The following HPSE2 variants were observed in gnomAD, a reference collection of about 807,000 sequenced individuals.
HPSE2 encodes the protein inactive heparanase-2.
HPSE2 carries 38 observed loss-of-function variants against 60.5 expected under a neutral mutation model. The ratio of observed to expected loss-of-function variants is 0.63; its 90% CI spans 0.48 to 0.82. HPSE2 has a LOEUF of 0.82. Ranked by LOEUF, HPSE2 falls within the 40% of genes least tolerant of loss-of-function variation. The probability of loss-of-function intolerance (pLI) is 0.00; values close to 1 mark genes in which losing one functional copy is unlikely to be tolerated. For synonymous variants in HPSE2, 295 were observed against 293.2 expected, an observed-to-expected ratio of 1.01 and a Z score of -0.06; for missense variants, 713 against 740.4, an observed-to-expected ratio of 0.96 and a Z score of 0.43.
Position 99,019,545 on chromosome 10 carries a change from T to C in HPSE2, c.610+124693A>G, listed in dbSNP as rs183509201. Among the ~76,000 whole-genome samples, 7 of 152,276 alleles carry C rather than the reference T, an allele frequency of 4.6e-5. No homozygotes were observed. In the East Asian group the frequency reaches 1.4e-3, roughly 29 times the overall value. ...TACCTTGGTTTTTAAGATAAGTACA[T>C]ACATGTATATACCTTCAGGCTTTGC... On this transcript the variant is annotated intron_variant, in intron 3 of 11. Transcript: ENST00000370552.
intron 6 of HPSE2, among the ~76,000 whole-genome samples, chr10:98,666,581 A>G (rs1388933195): frequency 1.3e-5 from 2 of 152,220 alleles, no homozygotes; most frequent in Non-Finnish European, 2.9e-5. Flanking sequence ...AATACCAGGC[A>G]TACTCTTGAA....
At chr10:99,020,890 G>T (rs1459225308) in intron 3 of HPSE2, among the ~76,000 whole-genome samples, 3 of 152,146 alleles carry the variant, frequency 2.0e-5, no homozygotes, top group African/African-American at 7.2e-5. Flanking sequence ...AACTTACAGG[G>T]CCAGGGAACA....
chr10:99,149,674 G>A (rs1846186549), intron 2 of HPSE2, among the ~76,000 whole-genome samples: 2 of 152,144 alleles, frequency 1.3e-5, no homozygotes, highest in African/African-American at 4.8e-5. Flanking sequence ...GTTATTATTG[G>A]AGGATAGTAT....
intron 9 of HPSE2, among the ~76,000 whole-genome samples, chr10:98,497,090 T>A (rs553833704): frequency 6.6e-6 from 1 of 152,274 alleles, no homozygotes; most frequent in South Asian, 2.1e-4. Context: ...TGCTATTTTT[T>A]AAGTAGTCTA....
intron 3 of HPSE2, among the ~76,000 whole-genome samples, chr10:98,917,938 T>C (rs1253781711): frequency 6.6e-6 from 1 of 152,196 alleles, no homozygotes; most frequent in African/African-American, 2.4e-5. Flanking sequence ...ATTGTTCAGG[T>C]ACAGGTTATA....
At chr10:99,184,817 T>TATATATATATATACATAC (rs1181998207) in intron 2 of HPSE2, among the ~76,000 whole-genome samples, 1 of 17,196 alleles carries the variant, frequency 5.8e-5, no homozygotes. Context: ...TATATATATA[T>TATATATATATATACATAC]ATAGAGAGAG....
intron 4 of HPSE2, among the ~76,000 whole-genome samples, chr10:98,724,493 G>C (rs1589712458): frequency 6.6e-6 from 1 of 152,146 alleles, no homozygotes; most frequent in Non-Finnish European, 1.5e-5. Flanking sequence ...ACTTGGTGCA[G>C]AGCTGAGTTC....
At chr10:98,773,241 T>A (rs1950277392) in intron 3 of HPSE2, among the ~76,000 whole-genome samples, 1 of 152,204 alleles carries the variant, frequency 6.6e-6, no homozygotes, top group Non-Finnish European at 1.5e-5. Flanking sequence ...TATAATTTTT[T>A]AAATGAGACT....
Position 98,809,090 on chromosome 10 carries a change from T to G in HPSE2, c.611-65034A>C, listed in dbSNP as rs1450212592. Among the ~76,000 whole-genome samples, 3 of 152,154 alleles carry G rather than the reference T, an allele frequency of 2.0e-5. 1 individual carries two copies. The South Asian group carries it at 6.2e-4, about 31-fold the overall frequency. On this transcript the variant is annotated intron_variant, in intron 3 of 11. Coordinates refer to ENST00000370552, the MANE Select transcript of HPSE2 (RefSeq NM_021828.5). ...TTTTCAGAGAATACCCCAATTGACA[T>G]TGACTCACTCCAGTACTCTGAAACT...
At position 99,173,694 on chromosome 10, in the gene HPSE2, A is replaced by G. The variant is rs1847406997; in HGVS notation, c.449-29295T>C. On this transcript the variant is annotated intron_variant, in intron 2 of 11. Transcript: ENST00000370552. The stretch of plus-strand genomic sequence containing the variant: ...CGCGGTGGCTCAAGCCTGTAATCTC[A>G]GCACTTTGGGAGGCTAAGGCAGGCA... 2.0e-5 allele frequency among the ~76,000 whole-genome samples: 3 copies of G among 152,220 alleles called. No homozygotes were observed. The South Asian group carries it at 6.2e-4, about 31-fold the overall frequency.
intron 3 of HPSE2, among the ~76,000 whole-genome samples, chr10:98,833,390 G>T (rs1398388752): frequency 6.6e-6 from 1 of 152,140 alleles, no homozygotes; most frequent in African/African-American, 2.4e-5. Context: ...ATCTGAGCAT[G>T]TTCTGAGGAA....
chr10:99,196,308 T>C (rs962628588), intron 2 of HPSE2, among the ~76,000 whole-genome samples: 46 of 152,070 alleles, frequency 3.0e-4, no homozygotes, highest in African/African-American at 1.0e-3. Context: ...CAAAAAATTG[T>C]TGAGTAATAC....
intron 8 of HPSE2, among the ~76,000 whole-genome samples, chr10:98,620,228 T>C (rs1361051124): frequency 1.3e-5 from 2 of 152,200 alleles, no homozygotes; most frequent in African/African-American, 4.8e-5. Context: ...CAATCATATT[T>C]TTTTCTGGAG....
intron 9 of HPSE2, among the ~76,000 whole-genome samples, chr10:98,518,360 G>A (rs1329622030): frequency 6.6e-6 from 1 of 152,118 alleles, no homozygotes; most frequent in Non-Finnish European, 1.5e-5. Flanking sequence ...TTCTAGATGA[G>A]ACCATCACCT....
At chr10:98,860,866 T>C (rs773586878) in intron 3 of HPSE2, among the ~76,000 whole-genome samples, 1 of 152,186 alleles carries the variant, frequency 6.6e-6, no homozygotes, top group Non-Finnish European at 1.5e-5. Flanking sequence ...AAGTACTCAG[T>C]TCATTTTACT....
In HPSE2 at chr10:98,979,627, G is replaced by A. The variant is rs542494684; in HGVS notation, c.610+164611C>T. ...AAACAAGGTTATGTATTGATTGGTT[G>A]ATTAAAAATGTGACCAGAAACTTAA... On this transcript the variant is annotated intron_variant, in intron 3 of 11. Coordinates refer to ENST00000370552, the MANE Select transcript of HPSE2 (RefSeq NM_021828.5). 7.8e-4 allele frequency among the ~76,000 whole-genome samples: 119 copies of A among 152,266 alleles called. 1 individual carries two copies. The highest frequency in any genetic ancestry group is 2.7e-3 in the African/African-American group (112 of 41,558).
the HPSE2 span, among the ~76,000 whole-genome samples, chr10:99,246,880 A>G: frequency 2.0e-5 from 3 of 152,150 alleles, no homozygotes; most frequent in African/African-American, 7.2e-5. Context: ...CTTCTACTTT[A>G]GTAATAGCTA....
intron 6 of HPSE2, among the ~76,000 whole-genome samples, chr10:98,645,317 G>C (rs1166210465): frequency 6.6e-6 from 1 of 152,176 alleles, no homozygotes; most frequent in African/African-American, 2.4e-5. Context: ...TTGACGTGGG[G>C]GTCTTTTTCA....
chr10:99,006,687 G>C (rs1223693603), intron 3 of HPSE2, among the ~76,000 whole-genome samples: 1 of 152,168 alleles, frequency 6.6e-6, no homozygotes, highest in Admixed American at 6.5e-5. Flanking sequence ...CCTCATGCAG[G>C]GTTGAACCTA....
Sources: gnomAD v4.1 joint callset for allele counts (sites outside exome capture counted in the v4.1 genomes callset) on GRCh38, gnomAD v4.1.1 for gene constraint, MANE v1.5 for transcripts, NCBI Gene and HGNC (gene_info 2026-07-23, HGNC 2026-07-21) for gene names.